PCDH7: variants seen among roughly 807,000 people sequenced by gnomAD.
PCDH7 encodes the protein protocadherin 7.
PCDH7 carries 17 observed loss-of-function variants against 58.9 expected under a neutral mutation model. The observed-to-expected ratio is 0.29, with a 90% CI of 0.20 to 0.43. The LOEUF (loss-of-function observed/expected upper bound fraction) is 0.43, where lower values mean the gene tolerates loss of function less well. Ranked by LOEUF, PCDH7 falls within the 20% of genes least tolerant of loss-of-function variation. The pLI is 1.00. For synonymous variants in PCDH7, 664 were observed against 616.4 expected (o/e 1.08, Z -1.14); for missense variants, 1,274 against 1,441.0 (o/e 0.88, Z 1.88).
intron 1 of PCDH7, among the ~76,000 whole-genome samples, chr4:30,844,464 G>T (rs1731650196): frequency 1.3e-5 from 2 of 152,102 alleles, no homozygotes; most frequent in South Asian, 4.1e-4. Context: ...TTCTAAGTTA[G>T]TATCGACTTC....
chr4:31,098,200 A>T (rs919936511), intron 3 of PCDH7, among the ~76,000 whole-genome samples: 26 of 152,324 alleles, frequency 1.7e-4, no homozygotes, highest in Non-Finnish European at 3.4e-4. Context: ...GTCACTAGTT[A>T]AAATGTTCCC....
At chr4:30,728,218 C>T (rs1016106820) in intron 1 of PCDH7, among the ~76,000 whole-genome samples, 2 of 144,758 alleles carry the variant, frequency 1.4e-5, no homozygotes, top group African/African-American at 5.1e-5. Flanking sequence ...ATCTATTAAG[C>T]AATAAGAAAA....
intron 2 of PCDH7, among the ~76,000 whole-genome samples, chr4:30,940,093 A>G (rs550499322): frequency 6.6e-6 from 1 of 151,992 alleles, no homozygotes; most frequent in African/African-American, 2.4e-5. Flanking sequence ...GGTAGGCAAA[A>G]AAACAAACAA....
intron 3 of PCDH7, among the ~76,000 whole-genome samples, chr4:30,983,357 T>A (rs1750724251): frequency 6.6e-6 from 1 of 152,238 alleles, no homozygotes; most frequent in Admixed American, 6.5e-5. Flanking sequence ...GGATTCCTGC[T>A]ATTATTTGGA....
chr4:30,974,124 A>T (rs1278461475), intron 3 of PCDH7, among the ~76,000 whole-genome samples: 1 of 151,838 alleles, frequency 6.6e-6, no homozygotes, highest in Non-Finnish European at 1.5e-5. Flanking sequence ...AGTAGTATCC[A>T]TGAATACTAC....
Position 30,721,901 on chromosome 4 carries a change from C to G in PCDH7, c.479C>G (p.Thr160Arg), listed in dbSNP as rs1219337433. The change falls in exon 1 of 2, where the codon ACA (threonine) becomes AGA (arginine). Residue 160 changes from threonine (T) to arginine (R), a missense_variant. Physicochemically the swap from Thr to Arg is moderately conservative, Grantham distance 71. This residue lies in a region of PCDH7 where 212 missense variants were observed against 255.8 expected (regional missense o/e 0.83). Coordinates refer to ENST00000361762, the Ensembl canonical transcript of PCDH7. This position sits in a 1 kb window ranked among gnomAD's most constrained non-coding sequence, Gnocchi z 6.7. ...GTGGAGGAGAATCGGCCGGTGGGCA[C>G]ACTTTACCTGCTGCCCACAGCCACC... The G allele has an allele frequency of 6.3e-7, 1 of 1,587,140 alleles. No individual in the cohort carries two copies. Among genetic ancestry groups the G allele is most frequent in the Non-Finnish European group, 8.6e-7 (1 of 1,168,830 alleles).
At chr4:31,115,586 A>G (rs1211961089) in intron 3 of PCDH7, among the ~76,000 whole-genome samples, 1 of 152,106 alleles carries the variant, frequency 6.6e-6, no homozygotes, top group East Asian at 1.9e-4. Flanking sequence ...AAACAGTAGG[A>G]TTCTTGTTTT....
chr4:31,034,467 A>G (rs1347881401), intron 3 of PCDH7, among the ~76,000 whole-genome samples: 5 of 152,216 alleles, frequency 3.3e-5, no homozygotes, highest in South Asian at 2.1e-4. Flanking sequence ...TTCATTGTAA[A>G]TATAGCAGGG....
chr4:30,854,823 G>A (rs1462615097), intron 1 of PCDH7, among the ~76,000 whole-genome samples: 1 of 151,874 alleles, frequency 6.6e-6, no homozygotes, highest in Non-Finnish European at 1.5e-5. Flanking sequence ...GTGGGATGAT[G>A]GCCATAATAC....
intron 1 of PCDH7, among the ~76,000 whole-genome samples, chr4:30,841,665 C>T (rs990005906): frequency 6.6e-6 from 1 of 151,886 alleles, no homozygotes; most frequent in African/African-American, 2.4e-5. Flanking sequence ...TGGAGTTACC[C>T]CCCTGTATAT....
chr4:30,796,936 C>G (rs1466864694), intron 1 of PCDH7, among the ~76,000 whole-genome samples: 1 of 150,946 alleles, frequency 6.6e-6, no homozygotes, highest in Non-Finnish European at 1.5e-5. Context: ...TGAGCTTTTT[C>G]TAATTATTAA....
chr4:30,820,868 T>C (rs1438170937), intron 1 of PCDH7, among the ~76,000 whole-genome samples: 2 of 152,076 alleles, frequency 1.3e-5, no homozygotes, highest in African/African-American at 2.4e-5. Context: ...GTAAAGAAAA[T>C]TTGAGGGGTT....
chr4:30,957,680 G>A lies in PCDH7; in HGVS notation c.*7+7465G>A, dbSNP rs551052583. Reference sequence around the variant, plus strand: ...ATCAATGACTTTTCTTCTTATATCTGAACTAGTTCTCAAAAGGACACTGCA... The same window carrying A: ...ATCAATGACTTTTCTTCTTATATCTAAACTAGTTCTCAAAAGGACACTGCA... On this transcript the variant is annotated intron_variant, in intron 3 of 3. Coordinates refer to the PCDH7 transcript ENST00000509759. 5.9e-5 allele frequency among the ~76,000 whole-genome samples: 9 copies of A among 152,180 alleles called. No individual in the cohort carries two copies. In the South Asian group the frequency reaches 1.9e-3, roughly 32 times the overall value.
intron 1 of PCDH7, among the ~76,000 whole-genome samples, chr4:30,842,277 A>G (rs1731313206): frequency 6.6e-6 from 1 of 152,142 alleles, no homozygotes; most frequent in Non-Finnish European, 1.5e-5. Context: ...GGAGCACACA[A>G]ATTAACCGAA....
intron 3 of PCDH7, among the ~76,000 whole-genome samples, chr4:31,096,151 A>C (rs1231466985): frequency 6.6e-6 from 1 of 152,166 alleles, no homozygotes; most frequent in Non-Finnish European, 1.5e-5. Context: ...CCTAGGCCCC[A>C]AGTTATTGCC....
intron 1 of PCDH7, among the ~76,000 whole-genome samples, chr4:30,877,494 TA>T: frequency 6.6e-6 from 1 of 152,238 alleles, no homozygotes; most frequent in East Asian, 1.9e-4. Flanking sequence ...GTAATAAAAA[TA>T]AAATAAAATA....
intron 1 of PCDH7, among the ~76,000 whole-genome samples, chr4:30,900,227 A>G (rs1740038936): frequency 6.6e-6 from 1 of 152,204 alleles, no homozygotes; most frequent in African/African-American, 2.4e-5. Context: ...CTTATATCAT[A>G]GAGCAAACGA....
In PCDH7 at chr4:30,722,082, A is replaced by G. The variant is rs1713687584; in HGVS notation, c.660A>G (p.Gly220=). 7.7e-7 allele frequency: 1 copy of G among 1,295,684 alleles called. No homozygotes were observed. The highest frequency in any genetic ancestry group is 9.7e-7 in the Non-Finnish European group (1 of 1,025,740). The allele number at this position is 1,295,684 out of a possible 1,614,324, so 80.3% of individuals were successfully genotyped here. The stretch of plus-strand genomic sequence containing the variant: ...ACGGCGCGAGCGGCGGCGGCTCGGG[A>G]GGCTCCAAGCGGCGGCTGGACGCAT... Residue 220 remains glycine (G), a synonymous_variant, in exon 1 of 2, where the codon GGA becomes GGG. Coordinates refer to ENST00000361762, the Ensembl canonical transcript of PCDH7. The surrounding 1 kb of genome is among the most constrained non-coding windows in gnomAD (Gnocchi z 7.6).
chr4:30,774,981 CCTT>C (rs1302484019), intron 1 of PCDH7, among the ~76,000 whole-genome samples: 4 of 152,200 alleles, frequency 2.6e-5, no homozygotes, highest in African/African-American at 2.4e-5. Flanking sequence ...AGCTTTGACT[CCTT>C]CTTTATTCTT....
Sources: allele counts gnomAD v4.1 joint callset (sites outside exome capture counted in the v4.1 genomes callset), GRCh38; gene constraint gnomAD v4.1.1; regional missense constraint gnomAD v4.1.1; non-coding constraint Gnocchi (gnomAD v3.1); transcripts MANE v1.5; gene names NCBI Gene and HGNC (gene_info 2026-07-23, HGNC 2026-07-21).